The following CSMD1 variants were observed in gnomAD, a reference collection of about 807,000 sequenced individuals.
CSMD1 encodes CUB and sushi domain-containing protein 1.
Under a neutral mutation model 417.5 loss-of-function variants are expected in CSMD1, and 213 were observed. That is an observed-to-expected ratio of 0.51 (90% CI 0.46 to 0.57). CSMD1 has a LOEUF of 0.57. CSMD1 is among the 20% of genes least tolerant of loss of function. CSMD1 has a pLI of 0.00. For synonymous variants in CSMD1, 2,862 were observed against 1,736.8 expected (o/e 1.65, Z -16.11); for missense variants, 6,923 against 4,529.7 (o/e 1.53, Z -15.17).
chr8:3,705,954 G>C (rs1801142742), intron 7 of CSMD1, among the ~76,000 whole-genome samples: 1 of 152,222 alleles, frequency 6.6e-6, no homozygotes, highest in South Asian at 2.1e-4. Flanking sequence ...GTGTCACCTT[G>C]GGTATCAAGA....
chr8:2,953,649 T>G (rs1684863463), intron 65 of CSMD1, among the ~76,000 whole-genome samples: 1 of 152,230 alleles, frequency 6.6e-6, no homozygotes, highest in Non-Finnish European at 1.5e-5. Context: ...TGATTTTGTA[T>G]AGTAAAAACT....
intron 3 of CSMD1, among the ~76,000 whole-genome samples, chr8:4,130,827 A>G (rs763781305): frequency 6.6e-6 from 1 of 151,562 alleles, no homozygotes; most frequent in African/African-American, 2.4e-5. Context: ...ATAATATTGT[A>G]CTATGTGCTA....
intron 3 of CSMD1, among the ~76,000 whole-genome samples, chr8:4,310,172 G>C (rs1470145219): frequency 6.6e-6 from 1 of 152,150 alleles, no homozygotes; most frequent in African/African-American, 2.4e-5. Flanking sequence ...TATTGCATCA[G>C]ACCATAAAGA....
rs188959753 is a variant in CSMD1 at position 2,946,616 on chromosome 8, T to C, written c.10402+2683A>G. 1.2e-3 allele frequency among the ~76,000 whole-genome samples: 180 copies of C among 152,370 alleles called. 1 individual carries two copies. The highest frequency in any genetic ancestry group is 4.0e-3 in the African/African-American group (167 of 41,592). The stretch of plus-strand genomic sequence containing the variant: ...CTAATATTCCATTGTATGGCTATAT[T>C]ACATATTGTTTATTCATTCATCCAT... On this transcript the variant is annotated intron_variant, in intron 68 of 69. Transcript: ENST00000635120.
chr8:4,132,397 G>T (rs77593365), intron 3 of CSMD1, among the ~76,000 whole-genome samples: 1 of 151,944 alleles, frequency 6.6e-6, no homozygotes, highest in African/African-American at 2.4e-5. Flanking sequence ...CTCTAGTATG[G>T]TGTCTGAAAA....
intron 3 of CSMD1, among the ~76,000 whole-genome samples, chr8:4,378,990 A>G (rs962314759): frequency 4.6e-5 from 7 of 152,236 alleles, no homozygotes; most frequent in Admixed American, 2.0e-4. Flanking sequence ...ATCACAGCTC[A>G]GATGGATTAA....
intron 57 of CSMD1, among the ~76,000 whole-genome samples, chr8:2,969,899 C>T (rs918837657): frequency 2.0e-5 from 3 of 152,092 alleles, no homozygotes; most frequent in Non-Finnish European, 2.9e-5. Context: ...GCTTATTCAG[C>T]TTCCCATGAT....
intron 1 of CSMD1, among the ~76,000 whole-genome samples, chr8:4,970,704 C>T (rs1040529245): frequency 9.2e-5 from 14 of 152,092 alleles, no homozygotes; most frequent in Non-Finnish European, 1.0e-4. Context: ...GCTATCTTAA[C>T]TCAGGACGTG....
intron 1 of CSMD1, among the ~76,000 whole-genome samples, chr8:4,964,826 G>A (rs116459910): frequency 3.9e-5 from 6 of 152,106 alleles, no homozygotes; most frequent in African/African-American, 9.7e-5. Context: ...GTGCACCCAC[G>A]ATGGACTTTA....
At chr8:4,788,381 G>C (rs901870805) in intron 1 of CSMD1, 1 of 1,425,456 alleles carries the variant, frequency 7.0e-7, no homozygotes, top group Non-Finnish European at 9.8e-7. Flanking sequence ...CACCAGACTG[G>C]GGAGCTCAGG....
chr8:4,466,279 G>T (rs549721841), intron 2 of CSMD1, among the ~76,000 whole-genome samples: 4 of 152,090 alleles, frequency 2.6e-5, no homozygotes, highest in Non-Finnish European at 5.9e-5. Flanking sequence ...TAAGCTTGAT[G>T]AGGAAGAAAA....
At chr8:3,213,594 G>A (rs1239305628) in intron 30 of CSMD1, among the ~76,000 whole-genome samples, 1 of 151,766 alleles carries the variant, frequency 6.6e-6, no homozygotes. Flanking sequence ...TGCTGTTTTG[G>A]GGGGAAATGA....
intron 3 of CSMD1, among the ~76,000 whole-genome samples, chr8:4,377,446 T>C (rs1802827722): frequency 6.6e-6 from 1 of 152,122 alleles, no homozygotes; most frequent in Admixed American, 6.6e-5. Context: ...GTTAAATTGA[T>C]TTTTTCCCCC....
At chr8:3,492,366 C>A (rs1461128060) in intron 11 of CSMD1, among the ~76,000 whole-genome samples, 1 of 152,082 alleles carries the variant, frequency 6.6e-6, no homozygotes, top group Admixed American at 6.5e-5. Flanking sequence ...GCTCATCTGG[C>A]ACCACAGAAA....
chr8:3,798,268 A>G (rs1044388469), intron 5 of CSMD1, among the ~76,000 whole-genome samples: 2 of 152,022 alleles, frequency 1.3e-5, no homozygotes, highest in African/African-American at 4.8e-5. Flanking sequence ...TTTTAATAAT[A>G]TCTTATTTAT....
chr8:3,242,525 A>T (rs1799605860), intron 26 of CSMD1, among the ~76,000 whole-genome samples: 1 of 151,996 alleles, frequency 6.6e-6, no homozygotes, highest in Non-Finnish European at 1.5e-5. Flanking sequence ...AGGGTGGAAA[A>T]ATTGAAAGTG....
intron 50 of CSMD1, among the ~76,000 whole-genome samples, chr8:3,041,040 T>G (rs183852109): frequency 1.8e-3 from 275 of 152,256 alleles, no homozygotes; most frequent in Non-Finnish European, 2.9e-3. Flanking sequence ...GTAAATAAAT[T>G]ATCAATATTT....
chr8:4,050,025 T>G (rs1009306768), intron 3 of CSMD1, among the ~76,000 whole-genome samples: 5 of 152,296 alleles, frequency 3.3e-5, no homozygotes, highest in African/African-American at 1.2e-4. Context: ...TTTCAGAAGT[T>G]GCGGCCAGAT....
At chr8:3,826,975 T>G (rs1487374148) in intron 5 of CSMD1, among the ~76,000 whole-genome samples, 2 of 151,912 alleles carry the variant, frequency 1.3e-5, no homozygotes, top group African/African-American at 4.8e-5. Context: ...AGAGACAGAG[T>G]GTTGCTATGT....
Sources: allele counts gnomAD v4.1 joint callset (sites outside exome capture counted in the v4.1 genomes callset), GRCh38; gene constraint gnomAD v4.1.1; transcripts MANE v1.5; gene names NCBI Gene and HGNC (gene_info 2026-07-23, HGNC 2026-07-21).